Variants in SPAG6 observed in about 807,000 individuals in gnomAD.
The protein encoded by SPAG6 is sperm associated antigen 6.
A neutral mutation model predicts 58.5 loss-of-function variants in SPAG6; 49 were observed. The observed-to-expected ratio is 0.84, with a 90% CI of 0.67 to 1.06. SPAG6 has a LOEUF of 1.06. SPAG6 is among the 50% of genes least tolerant of loss of function. The pLI is 0.00. For synonymous variants in SPAG6, 233 were observed against 225.6 expected (o/e 1.03, Z -0.29); for missense variants, 560 against 611.3 (o/e 0.92, Z 0.89).
chr10:22,376,575 G>A (rs945371869), intron 4 of SPAG6, among the ~76,000 whole-genome samples: 3 of 152,054 alleles, frequency 2.0e-5, no homozygotes, highest in African/African-American at 4.8e-5. Context: ...TTATACATAC[G>A]TGTATACAAA....
chr10:22,385,449 A>ACT lies in SPAG6; in HGVS notation c.473-1304_473-1303dup, dbSNP rs536484056. On this transcript the variant is annotated intron_variant, in intron 4 of 10. Transcript: ENST00000376624. ...ATTACATAAGAACTTCCCATAGTATACTAGCTTTTACACCAAATTTTAAAA... is the reference window on the plus strand; with the variant it reads ...ATTACATAAGAACTTCCCATAGTATACTCTAGCTTTTACACCAAATTTTAAAA... 1.6e-3 allele frequency among the ~76,000 whole-genome samples: 242 copies of ACT among 152,286 alleles called. 1 individual carries two copies. Among genetic ancestry groups the ACT allele is most frequent in the African/African-American group, 5.7e-3 (237 of 41,562 alleles).
At chr10:22,357,550 A>G (rs1024987745) in intron 2 of SPAG6, among the ~76,000 whole-genome samples, 1 of 152,120 alleles carries the variant, frequency 6.6e-6, no homozygotes, top group African/African-American at 2.4e-5. Flanking sequence ...GTGGATGAAA[A>G]TATAGTAAAT....
In SPAG6 at chr10:22,346,973, C is replaced by G. The variant is rs115705218; in HGVS notation, c.121+1155C>G. Among the ~76,000 whole-genome samples, 694 of 152,298 alleles carry G rather than the reference C, an allele frequency of 4.6e-3. 5 individuals are homozygous for G. Among genetic ancestry groups the G allele is most frequent in the African/African-American group, 0.016 (676 of 41,546 alleles). ...ATTTTTCAAAACTGTAGTGCAATAT[C>G]ACAAGGAGGACATTGACATTGATAA... On this transcript the variant is annotated intron_variant, in intron 2 of 10. Coordinates refer to ENST00000376624, the MANE Select transcript of SPAG6 (RefSeq NM_012443.4).
rs906932979 is a variant in SPAG6, at chr10:22,417,420, C to T, written c.*732C>T. 6.6e-6 allele frequency: 1 copy of T among 152,142 alleles called. No homozygotes were observed. The highest frequency in any genetic ancestry group is 6.6e-5 in the Admixed American group (1 of 15,264). 9.4% of individuals were successfully genotyped at this position (152,142 alleles called of 1,614,324 possible). A position where few individuals can be genotyped will look rare whatever the true frequency, so the allele number is the denominator to read the frequency against. On this transcript the variant is annotated 3_prime_UTR_variant, in exon 11 of 11. Coordinates refer to ENST00000376624, the MANE Select transcript of SPAG6 (RefSeq NM_012443.4). ...TAGTCTAGCTCTGCTCATGAATGAA[C>T]AAAGAAGCAGGCATGTAAAATGGAT...
At chr10:22,402,327 A>T (rs1275608302) in intron 9 of SPAG6, among the ~76,000 whole-genome samples, 2 of 152,212 alleles carry the variant, frequency 1.3e-5, no homozygotes, top group African/African-American at 2.4e-5. Context: ...TTGAATAGTC[A>T]GTTATAATGC....
chr10:22,368,131 T>A (rs1270751116), intron 3 of SPAG6, among the ~76,000 whole-genome samples: 2 of 152,324 alleles, frequency 1.3e-5, no homozygotes, highest in East Asian at 3.9e-4. Context: ...GCTAACAATC[T>A]AAGAGTTCCC....
At chr10:22,364,783 T>G (rs1414168974) in intron 2 of SPAG6, 70 bp from the exon 3 acceptor site, 1 of 1,142,964 alleles carries the variant, frequency 8.7e-7, no homozygotes, top group Non-Finnish European at 1.3e-6. Flanking sequence ...TGTCTGCATA[T>G]ATACTGAATT....
chr10:22,407,300 G>A (rs1270953635), intron 9 of SPAG6, among the ~76,000 whole-genome samples: 11 of 151,842 alleles, frequency 7.2e-5, no homozygotes, highest in Non-Finnish European at 1.2e-4. Context: ...CATGTTTAGC[G>A]CTTCCTTCAG....
intron 2 of SPAG6, among the ~76,000 whole-genome samples, chr10:22,362,580 A>C (rs1363791895): frequency 1.3e-5 from 2 of 151,862 alleles, no homozygotes; most frequent in African/African-American, 2.4e-5. Context: ...CATCTCTACA[A>C]AAAAATGAAA....
At chr10:22,379,408 T>C (rs931140276) in intron 4 of SPAG6, among the ~76,000 whole-genome samples, 7 of 152,240 alleles carry the variant, frequency 4.6e-5, no homozygotes, top group African/African-American at 1.7e-4. Flanking sequence ...GCTTAGATTA[T>C]AAAAGACTGA....
Position 22,407,039 on chromosome 10 carries a change from G to A in SPAG6, c.1315-3992G>A, listed in dbSNP as rs1396644823. Among the ~76,000 whole-genome samples the A allele has an allele frequency of 8.5e-5, 13 of 152,136 alleles. 1 individual carries two copies. Among genetic ancestry groups the A allele is most frequent in the East Asian group, 7.7e-4 (4 of 5,188 alleles). ...TTTGAGCCTATGTGTGTCTCTGCAC[G>A]TGAGATGGGTTTCCTGAATATAGCA... On this transcript the variant is annotated intron_variant, in intron 9 of 10. Coordinates refer to ENST00000376624, the MANE Select transcript of SPAG6 (RefSeq NM_012443.4).
chr10:22,370,171 G>A (rs1833650720), intron 4 of SPAG6, among the ~76,000 whole-genome samples: 1 of 152,160 alleles, frequency 6.6e-6, no homozygotes, highest in Admixed American at 6.5e-5. Context: ...AAGTTTTTAT[G>A]TGGATATAAT....
chr10:22,355,423 G>A (rs1015777086), intron 2 of SPAG6, among the ~76,000 whole-genome samples: 2 of 152,122 alleles, frequency 1.3e-5, no homozygotes, highest in Non-Finnish European at 2.9e-5. Context: ...ATCAGATATG[G>A]TAGTCCTTTA....
Position 22,416,999 on chromosome 10 carries a change from G to T in SPAG6, c.*311G>T. ...TCGTACATGCAGACACCTCCAATGA[G>T]ATATAGTTAAGAGATGGCATTCAAA... On this transcript the variant is annotated 3_prime_UTR_variant, in exon 11 of 11. Coordinates refer to ENST00000376624, the MANE Select transcript of SPAG6 (RefSeq NM_012443.4). 4.9e-6 allele frequency: 1 copy of T among 204,370 alleles called. No homozygotes were observed. Among genetic ancestry groups the T allele is most frequent in the Non-Finnish European group, 1.0e-5 (1 of 99,574 alleles). 12.7% of individuals were successfully genotyped at this position (204,370 alleles called of 1,614,324 possible).
At position 22,345,686 on chromosome 10, in the gene SPAG6, C is replaced by T. The variant is rs1836500803; in HGVS notation, c.26-37C>T. On this transcript the variant is annotated intron_variant, in intron 1 of 10. Coordinates refer to ENST00000376624, the MANE Select transcript of SPAG6 (RefSeq NM_012443.4). The surrounding 1 kb of genome is among the most constrained non-coding windows in gnomAD (Gnocchi z 6.3). ...CTAACTAGCTGGCGCCGAGGAGACC[C>T]GGGTGCGGTGGGCTCCACCGACTCT... The T allele has an allele frequency of 3.8e-6, 6 of 1,591,726 alleles. No homozygotes were observed. Among genetic ancestry groups the T allele is most frequent in the Non-Finnish European group, 5.1e-6 (6 of 1,169,904 alleles).
At chr10:22,352,021 G>A (rs577637306) in intron 2 of SPAG6, among the ~76,000 whole-genome samples, 3 of 152,182 alleles carry the variant, frequency 2.0e-5, no homozygotes, top group Admixed American at 1.3e-4. Flanking sequence ...TTAGCCGGGC[G>A]TGGTGGCGGG....
At chr10:22,380,232 G>A (rs965215544) in intron 4 of SPAG6, among the ~76,000 whole-genome samples, 1 of 152,200 alleles carries the variant, frequency 6.6e-6, no homozygotes, top group Non-Finnish European at 1.5e-5. Context: ...TGAATGGGAT[G>A]AGGAATTATT....
chr10:22,407,626 T>G (rs2130634662), intron 9 of SPAG6, among the ~76,000 whole-genome samples: 1 of 152,056 alleles, frequency 6.6e-6, no homozygotes, highest in Non-Finnish European at 1.5e-5. Context: ...TTGGAGTTGC[T>G]CTTCTCGAGG....
At chr10:22,390,506 C>T (rs1455258281) in intron 7 of SPAG6, among the ~76,000 whole-genome samples, 1 of 152,152 alleles carries the variant, frequency 6.6e-6, no homozygotes, top group Non-Finnish European at 1.5e-5. Context: ...TATGGTAGCA[C>T]TCTCTGCTTT....
Sources: allele counts gnomAD v4.1 joint callset (sites outside exome capture counted in the v4.1 genomes callset), GRCh38; gene constraint gnomAD v4.1.1; non-coding constraint Gnocchi (gnomAD v3.1); transcripts MANE v1.5; gene names NCBI Gene and HGNC (gene_info 2026-07-23, HGNC 2026-07-21).